AKNAD1: variants seen among roughly 807,000 people sequenced by gnomAD.
The protein encoded by AKNAD1 is AKNA domain containing 1, also known as protein AKNAD1.
In AKNAD1, 67 loss-of-function variants were observed where a neutral mutation model predicts 90.8. That is an observed-to-expected ratio of 0.74 (90% confidence interval 0.61 to 0.90). The LOEUF is 0.90. Ranked by LOEUF, AKNAD1 falls within the 40% of genes least tolerant of loss-of-function variation. The pLI, the probability that AKNAD1 is intolerant of heterozygous loss-of-function variation, is 0.00. For missense variants in AKNAD1, 957 were observed against 975.4 expected (o/e 0.98, Z 0.25); for synonymous variants, 327 against 341.4 (o/e 0.96, Z 0.46).
At chr1:108,839,282 A>G (rs10449300) in intron 6 of AKNAD1, among the ~76,000 whole-genome samples, 53,382 of 151,738 alleles carry the variant, frequency 0.35, 9,902 homozygotes, top group African/African-American at 0.48. Context: ...TCAGGAGATC[A>G]AGACCATACT....
At chr1:108,843,299 A>G (rs1000203576) in intron 5 of AKNAD1, 32 bp from the exon 6 acceptor site, 1 of 1,610,402 alleles carries the variant, frequency 6.2e-7, no homozygotes, top group African/African-American at 1.3e-5. Flanking sequence ...AATCATTCAC[A>G]TGCAAGCCTG....
chr1:108,823,814 G>A, intron 11 of AKNAD1, 126 bp from the exon 12 acceptor site: 1 of 1,444,688 alleles, frequency 6.9e-7, no homozygotes, highest in Non-Finnish European at 9.3e-7. Flanking sequence ...TAATGTCCCG[G>A]CTGTGTCACC....
chr1:108,850,531 G>A (rs1472858149), intron 2 of AKNAD1, among the ~76,000 whole-genome samples: 1 of 152,152 alleles, frequency 6.6e-6, no homozygotes, highest in Admixed American at 6.6e-5. Context: ...GTCATGGCCA[G>A]GTGGGCTGTT....
upstream of AKNAD1, chr1:108,857,922 C>T (rs1191717387): frequency 2.0e-5 from 3 of 152,306 alleles, no homozygotes; most frequent in Non-Finnish European, 4.4e-5. Context: ...TAGTGTACAT[C>T]TAAAAGCTTT....
chr1:108,830,519 T>A (rs1199678806), intron 10 of AKNAD1, 40 bp downstream of exon 10: 1 of 1,599,220 alleles, frequency 6.3e-7, no homozygotes, highest in Non-Finnish European at 8.6e-7. Context: ...CAGGACTGAC[T>A]CCAATCCACC....
At chr1:108,824,119 T>C (rs1292272646) in intron 11 of AKNAD1, among the ~76,000 whole-genome samples, 1 of 152,232 alleles carries the variant, frequency 6.6e-6, no homozygotes, top group African/African-American at 2.4e-5. Flanking sequence ...AAAGATGGGT[T>C]TCTTCTATGT....
chr1:108,828,552 G>T lies in AKNAD1; in HGVS notation c.1839-1250C>A, dbSNP rs1426956926. Among the ~76,000 whole-genome samples the T allele has an allele frequency of 1.3e-5, 2 of 151,844 alleles. 1 individual carries two copies. The highest frequency in any genetic ancestry group is 4.0e-4 in the East Asian group (2 of 5,058). ...ATGAGGCAGATTGCCCAGGGCTAGG[G>T]TTTGAGCCCAAGGCATTGCTGGGCA... is the stretch of plus-strand genomic sequence containing the variant. On this transcript the variant is annotated intron_variant, in intron 10 of 15. Coordinates refer to ENST00000370001, the MANE Select transcript of AKNAD1 (RefSeq NM_152763.5).
chr1:108,827,201 T>C lies in AKNAD1; in HGVS notation c.1936+4A>G, dbSNP rs770834502. 1 of 1,607,540 alleles carries C rather than the reference T, an allele frequency of 6.2e-7. No individual in the cohort carries two copies. Among genetic ancestry groups the C allele is most frequent in the South Asian group, 1.1e-5 (1 of 90,582 alleles). On this transcript the variant is annotated splice_donor_region_variant and intron_variant, in intron 11 of 15. Transcript: ENST00000370001. ...GAGCACCCAGCCCAAGCCCATCAAC[T>C]TACTGGGAGTTGAATCTGAGTGTGG...
chr1:108,846,289 G>C (rs1664698368), intron 5 of AKNAD1, among the ~76,000 whole-genome samples: 1 of 152,122 alleles, frequency 6.6e-6, no homozygotes, highest in South Asian at 2.1e-4. Flanking sequence ...CTCTCGGTCA[G>C]CAGGGATCCT....
At chr1:108,843,045 C>G (rs1020825881) in intron 6 of AKNAD1, 89 bp downstream of exon 6, 2 of 1,525,020 alleles carry the variant, frequency 1.3e-6, no homozygotes. Flanking sequence ...AGTGGCTCTC[C>G]AAGCACTAAG....
intron 13 of AKNAD1, among the ~76,000 whole-genome samples, chr1:108,821,704 T>C (rs1359581987): frequency 1.3e-5 from 2 of 151,950 alleles, no homozygotes; most frequent in Non-Finnish European, 2.9e-5. Flanking sequence ...TTCCAGAAAA[T>C]AGAGTCTAAA....
intron 9 of AKNAD1, among the ~76,000 whole-genome samples, chr1:108,831,935 G>A (rs766434514): frequency 2.3e-4 from 35 of 152,018 alleles, no homozygotes; most frequent in Non-Finnish European, 4.6e-4. Flanking sequence ...CACTGCGCCC[G>A]GCCTTACTTG....
intron 10 of AKNAD1, among the ~76,000 whole-genome samples, chr1:108,829,515 T>A (rs1051572327): frequency 6.6e-6 from 1 of 152,228 alleles, no homozygotes; most frequent in African/African-American, 2.4e-5. Flanking sequence ...GTGAGTAAGC[T>A]TCATGAGTGC....
rs902785411 is a variant in AKNAD1 at position 108,852,147 on chromosome 1, T to C, written c.518A>G (p.Asn173Ser). The C allele has an allele frequency of 1.2e-6, 2 of 1,613,982 alleles. No individual in the cohort carries two copies. Among genetic ancestry groups the C allele is most frequent in the African/African-American group, 1.3e-5 (1 of 74,884 alleles). The stretch of plus-strand genomic sequence containing the variant: ...GCTGTTTTCACCATCCCTTTTCGGG[T>C]TGAGTTGGTCAGTGAGTTCTGGGGT... Reference protein sequence around the residue: ...EQTPELTDQLNPKRDGENSNK... With the variant: ...EQTPELTDQLSPKRDGENSNK... The change falls in exon 2 of 16, where the codon AAC becomes AGC. Residue 173 changes from asparagine (N) to serine (S), a missense_variant. Transcript: ENST00000370001.
At position 108,849,040 on chromosome 1, in the gene AKNAD1, G is replaced by C. The variant is rs11580913; in HGVS notation, c.1054C>G (p.Leu352Val). Reference sequence around the variant, plus strand: ...TGAGAGGTTGGTGACAACTTAGAGAGACTTGCCTCAGATTCTATTCCTATA... The same window carrying C: ...TGAGAGGTTGGTGACAACTTAGAGACACTTGCCTCAGATTCTATTCCTATA... ...LLTGIESEAS[L>V]SKLSPTSQKG... The change falls in exon 4 of 16, where the codon CTC (leucine) becomes GTC (valine). Residue 352 changes from leucine (L) to valine (V), a missense_variant. Physicochemically the swap from Leu to Val is conservative, Grantham distance 32. Transcript: ENST00000370001. The C allele has an allele frequency of 0.074, 118,509 of 1,601,166 alleles. 5,008 individuals carry two copies. The highest frequency in any genetic ancestry group is 0.14 in the African/African-American group (10,537 of 74,252).
At chr1:108,830,452 A>G (rs1478624229) in intron 10 of AKNAD1, 107 bp downstream of exon 10, 5 of 1,030,586 alleles carry the variant, frequency 4.9e-6, no homozygotes, top group African/African-American at 1.6e-5. Flanking sequence ...CTGTGACTCT[A>G]TAACTCAGCC....
rs774961990 is a variant in AKNAD1, at chr1:108,849,062, T to G, written c.1034-2A>C. ...AGAGACTTGCCTCAGATTCTATTCC[T>G]ATACAAGAAAGAACACATTTGGGCT... On this transcript the variant is annotated splice_acceptor_variant, in intron 3 of 15. Transcript: ENST00000370001. LOFTEE classifies it high-confidence loss of function. The G allele has an allele frequency of 6.3e-7, 1 of 1,581,364 alleles. No homozygotes were observed. Among genetic ancestry groups the G allele is most frequent in the South Asian group, 1.2e-5 (1 of 83,854 alleles).
At chr1:108,816,770 A>G in intron 15 of AKNAD1, 2 of 400,230 alleles carry the variant, frequency 5.0e-6, no homozygotes, top group Non-Finnish European at 9.2e-6. Context: ...GAACAGACCC[A>G]GTGCCTTCAA....
At chr1:108,835,436 T>C (rs1053473364) in intron 7 of AKNAD1, among the ~76,000 whole-genome samples, 2 of 152,046 alleles carry the variant, frequency 1.3e-5, no homozygotes. Context: ...GTGAGGCAAA[T>C]ATTATTATCT....
Sources: allele counts gnomAD v4.1 joint callset (sites outside exome capture counted in the v4.1 genomes callset), GRCh38; gene constraint gnomAD v4.1.1; transcripts MANE v1.5; gene names NCBI Gene and HGNC (gene_info 2026-07-23, HGNC 2026-07-21).